PUDP: variants seen among roughly 807,000 people sequenced by gnomAD.
PUDP encodes the protein pseudouridine-5'-phosphatase.
PUDP carries 8 observed loss-of-function variants against 9.4 expected under a neutral mutation model. That is an observed-to-expected ratio of 0.85 (90% CI 0.50 to 1.53). The LOEUF (loss-of-function observed/expected upper bound fraction) is 1.53, where lower values mean the gene tolerates loss of function less well. Among genes scored for constraint, PUDP ranks in the 40% most tolerant of loss-of-function variants. PUDP has a pLI of 0.00. For missense variants in PUDP, 188 were observed against 189.7 expected (o/e 0.99, Z 0.05); for synonymous variants, 99 against 80.7 (o/e 1.23, Z -1.22).
intron 3 of PUDP, among the ~76,000 whole-genome samples, chrX:6,776,757 C>A (rs1925471196): frequency 8.9e-6 from 1 of 112,322 alleles, no homozygotes; most frequent in Admixed American, 9.5e-5. Context: ...TATTTGAAAA[C>A]ACAGTTTAAC....
chrX:6,992,008 T>G (rs1456156262), intron 1 of PUDP, among the ~76,000 whole-genome samples: 3 of 111,138 alleles, frequency 2.7e-5, no homozygotes, highest in African/African-American at 9.8e-5. Flanking sequence ...CCCAGATGCA[T>G]GAGGTCTAAA....
At chrX:6,789,118 C>T (rs1273186547) in intron 3 of PUDP, among the ~76,000 whole-genome samples, 3 of 110,728 alleles carry the variant, frequency 2.7e-5, no homozygotes, top group African/African-American at 9.8e-5. Context: ...GGCAAAACCC[C>T]GTCTCTACTA....
chrX:6,893,959 G>T (rs1927551411), intron 3 of PUDP, among the ~76,000 whole-genome samples: 1 of 111,812 alleles, frequency 8.9e-6, no homozygotes. Context: ...CGACATGAAT[G>T]AAGTTGGGAG....
chrX:6,892,522 T>C (rs188316179), intron 3 of PUDP, among the ~76,000 whole-genome samples: 21 of 110,773 alleles, frequency 1.9e-4, no homozygotes, highest in African/African-American at 6.6e-4. Flanking sequence ...ATGATACTTA[T>C]TCACTATCAT....
chrX:6,987,523 G>A (rs1929119155), intron 1 of PUDP, among the ~76,000 whole-genome samples: 1 of 112,202 alleles, frequency 8.9e-6, no homozygotes, highest in Admixed American at 9.5e-5. Context: ...TTATATATGT[G>A]ACAGCAACTA....
intron 3 of PUDP, among the ~76,000 whole-genome samples, chrX:6,790,876 A>G (rs1213194259): frequency 8.9e-6 from 1 of 112,283 alleles, no homozygotes; most frequent in Non-Finnish European, 1.9e-5. Context: ...TAGCAGATGT[A>G]GACTTGAGAT....
At chrX:6,818,048 C>T (rs1237098001) in intron 3 of PUDP, among the ~76,000 whole-genome samples, 1 of 111,759 alleles carries the variant, frequency 8.9e-6, no homozygotes, top group Non-Finnish European at 1.9e-5. Flanking sequence ...CTTGTTTATG[C>T]TGGATGTCTC....
intron 3 of PUDP, among the ~76,000 whole-genome samples, chrX:6,795,150 G>A (rs775622785): frequency 4.5e-5 from 5 of 110,342 alleles, no homozygotes; most frequent in East Asian, 2.9e-4. Flanking sequence ...GGAATTTTTC[G>A]GCTCTATTAT....
At chrX:6,912,313 A>G (rs56241554) in intron 3 of PUDP, among the ~76,000 whole-genome samples, 3,594 of 111,424 alleles carry the variant, frequency 0.032, 141 homozygotes, top group African/African-American at 0.11. Flanking sequence ...TTTTTTTGCT[A>G]TTAGCATCTT....
At chrX:7,050,519 CAT>C (rs757838790) in intron 3 of PUDP, 47 bp from the exon 4 acceptor site, 12 of 1,097,632 alleles carry the variant, frequency 1.1e-5, no homozygotes, top group Middle Eastern at 2.5e-4. Flanking sequence ...TGGAACCAGA[CAT>C]GTGGATGAAG....
At chrX:7,145,347 C>T (rs1252368651) in intron 1 of PUDP, among the ~76,000 whole-genome samples, 10 of 111,726 alleles carry the variant, frequency 9.0e-5, no homozygotes, top group Non-Finnish European at 1.7e-4. Context: ...ACTGTCTTCT[C>T]TTTTAAAGAA....
intron 3 of PUDP, among the ~76,000 whole-genome samples, chrX:6,827,437 G>T (rs925325100): frequency 2.7e-5 from 3 of 111,546 alleles, no homozygotes; most frequent in African/African-American, 9.8e-5. Flanking sequence ...TTGGTTATTT[G>T]GTGTATGCCG....
At chrX:7,013,597 C>G (rs1792288634) in intron 1 of PUDP, among the ~76,000 whole-genome samples, 2 of 111,973 alleles carry the variant, frequency 1.8e-5, no homozygotes, top group Middle Eastern at 4.7e-3. Context: ...TACTCCATAT[C>G]TACCACTAGC....
intron 3 of PUDP, among the ~76,000 whole-genome samples, chrX:6,748,665 T>C (rs1925028959): frequency 1.8e-5 from 2 of 111,915 alleles, no homozygotes; most frequent in Non-Finnish European, 3.8e-5. Context: ...GCAGAGACCA[T>C]GCAAGAATAT....
rs761181813 is a variant in PUDP, at chrX:6,779,784, G to GGT, written c.*248-73319_*248-73318insAC. ...GCCTTTACCAAAAAAAATAAAATTA[G>GGT]CTGGGTGTGGTGGCATGCATATAGT... On this transcript the variant is annotated intron_variant and NMD_transcript_variant, in intron 3 of 3. Coordinates refer to the PUDP transcript ENST00000655425. 2.4e-4 allele frequency among the ~76,000 whole-genome samples: 27 copies of GGT among 110,945 alleles called. No homozygotes were observed. In the Admixed American group the frequency reaches 2.5e-3, roughly 10 times the overall value.
intron 3 of PUDP, among the ~76,000 whole-genome samples, chrX:6,748,627 G>A (rs893785306): frequency 4.5e-5 from 5 of 111,223 alleles, no homozygotes; most frequent in Non-Finnish European, 9.4e-5. Context: ...AAAAAATAAC[G>A]AACACCACTT....
intron 3 of PUDP, among the ~76,000 whole-genome samples, chrX:6,812,302 A>G (rs764603298): frequency 1.1e-3 from 121 of 112,159 alleles, no homozygotes; most frequent in Non-Finnish European, 9.0e-4. Flanking sequence ...CTCATCTTGC[A>G]AGGATGATGA....
At chrX:7,109,191 G>A (rs746308184) in intron 1 of PUDP, among the ~76,000 whole-genome samples, 3 of 112,004 alleles carry the variant, frequency 2.7e-5, no homozygotes, top group Admixed American at 9.5e-5. Flanking sequence ...AGGCATGAGC[G>A]CTCCTTTTAT....
rs139547225 is a variant in PUDP at position 6,820,394 on chromosome X, A to T, written c.*248-113928T>A. On this transcript the variant is annotated intron_variant and NMD_transcript_variant, in intron 3 of 3. Transcript: ENST00000655425. Reference sequence around the variant, plus strand: ...TCGAAACGAATCATGCCTTCCCAACAGTTCCCCAAAAGTCTTAATTCATTT... The same window carrying T: ...TCGAAACGAATCATGCCTTCCCAACTGTTCCCCAAAAGTCTTAATTCATTT... Among the ~76,000 whole-genome samples, 423 of 111,005 alleles carry T rather than the reference A, an allele frequency of 3.8e-3. 3 individuals are homozygous for T. Among genetic ancestry groups the T allele is most frequent in the African/African-American group, 0.013 (384 of 30,535 alleles).
Sources: allele counts gnomAD v4.1 joint callset (sites outside exome capture counted in the v4.1 genomes callset), GRCh38; gene constraint gnomAD v4.1.1; transcripts MANE v1.5; gene names NCBI Gene and HGNC (gene_info 2026-07-23, HGNC 2026-07-21).